The following IFTAP variants were observed in gnomAD, a reference collection of about 807,000 sequenced individuals.
The protein encoded by IFTAP is intraflagellar transport-associated protein.
IFTAP carries 19 observed loss-of-function variants against 19.4 expected under a neutral mutation model. That is an observed-to-expected ratio of 0.98 (90% CI 0.68 to 1.44). The LOEUF (loss-of-function observed/expected upper bound fraction) is 1.44, where lower values mean the gene tolerates loss of function less well. IFTAP is among the 40% of genes most tolerant of loss of function. IFTAP has a pLI of 0.00. For missense variants in IFTAP, 240 were observed against 253.6 expected (o/e 0.95, Z 0.36); for synonymous variants, 85 against 83.5 (o/e 1.02, Z -0.10).
At position 36,604,771 on chromosome 11, in the gene IFTAP, A is replaced by G. The variant is rs542460478; in HGVS notation, c.-23-5310A>G. Among the ~76,000 whole-genome samples the G allele has an allele frequency of 3.2e-4, 48 of 152,244 alleles. No individual in the cohort carries two copies. In the South Asian group the frequency reaches 1.0e-2, roughly 32 times the overall value. The stretch of plus-strand genomic sequence containing the variant: ...CCCATTACTGCTCATCAATAGAGTC[A>G]TTAGTTGACAGAAACCCCACATGAA... On this transcript the variant is annotated intron_variant, in intron 1 of 5. Coordinates refer to ENST00000334307, the MANE Select transcript of IFTAP (RefSeq NM_138787.4).
chr11:36,628,486 C>T (rs1050965348), intron 2 of IFTAP, among the ~76,000 whole-genome samples: 1 of 151,218 alleles, frequency 6.6e-6, no homozygotes, highest in East Asian at 1.9e-4. Flanking sequence ...CATCTGCCAT[C>T]GGTGCCTTCT....
rs188133626 is a variant in IFTAP, at chr11:36,642,172, G to C, written c.359-5844G>C. On this transcript the variant is annotated intron_variant, in intron 4 of 5. Transcript: ENST00000334307. Reference sequence around the variant, plus strand: ...AGACGCAATAAAAAATGATAAAGGGGATATCACCACCGATCTCACAGAAAT... The same window carrying C: ...AGACGCAATAAAAAATGATAAAGGGCATATCACCACCGATCTCACAGAAAT... Among the ~76,000 whole-genome samples, 949 of 152,164 alleles carry C rather than the reference G, an allele frequency of 6.2e-3. 11 individuals carry two copies. Among genetic ancestry groups the C allele is most frequent in the African/African-American group, 0.022 (920 of 41,512 alleles).
chr11:36,596,222 G>GTTTTTTTTTTTTTTTTTTTTTTTTTT (rs67282079), intron 1 of IFTAP, among the ~76,000 whole-genome samples: 1 of 118,368 alleles, frequency 8.4e-6, no homozygotes, highest in African/African-American at 3.1e-5. Flanking sequence ...TTTTTTTTTT[G>GTTTTTTTTTTTTTTTTTTTTTTTTTT]TTTTTTTTTT....
At position 36,601,996 on chromosome 11, in the gene IFTAP, A is replaced by C. The variant is rs562561265; in HGVS notation, c.-24+7404A>C. 2.0e-4 allele frequency among the ~76,000 whole-genome samples: 30 copies of C among 152,290 alleles called. No individual in the cohort carries two copies. In the South Asian group the frequency reaches 6.2e-3, roughly 32 times the overall value. ...TGAGTATAGAAACCATATTGGCAAA[A>C]AGAAATTATATATATATGTGCATGT... On this transcript the variant is annotated intron_variant, in intron 1 of 5. Transcript: ENST00000334307.
intron 2 of IFTAP, among the ~76,000 whole-genome samples, chr11:36,612,401 G>A (rs1851908490): frequency 6.6e-6 from 1 of 151,984 alleles, no homozygotes; most frequent in African/African-American, 2.4e-5. Context: ...ATCAGTAAGT[G>A]TCCTTTTTTC....
At chr11:36,639,218 CCT>C (rs1554954827) in intron 4 of IFTAP, among the ~76,000 whole-genome samples, 1 of 150,520 alleles carries the variant, frequency 6.6e-6, no homozygotes, top group Non-Finnish European at 1.5e-5. Context: ...CCCAGCCCAA[CCT>C]CTTTTCTGGT....
At chr11:36,616,569 G>A (rs969039954) in intron 2 of IFTAP, among the ~76,000 whole-genome samples, 3 of 151,942 alleles carry the variant, frequency 2.0e-5, no homozygotes, top group Non-Finnish European at 2.9e-5. Flanking sequence ...AACTCTCGGA[G>A]TTTCAACACC....
intron 1 of IFTAP, among the ~76,000 whole-genome samples, chr11:36,596,761 A>G (rs1309711413): frequency 6.6e-6 from 1 of 152,078 alleles, no homozygotes; most frequent in Non-Finnish European, 1.5e-5. Context: ...ATCCAAAGGG[A>G]TTTTTCAAGA....
chr11:36,613,394 TTTAA>T (rs1851945153), intron 2 of IFTAP, among the ~76,000 whole-genome samples: 1 of 152,118 alleles, frequency 6.6e-6, no homozygotes, highest in Non-Finnish European at 1.5e-5. Flanking sequence ...TGATTTTTTA[TTTAA>T]TTAATTCATT....
intron 1 of IFTAP, among the ~76,000 whole-genome samples, chr11:36,601,387 A>G (rs182333466): frequency 1.3e-5 from 2 of 152,342 alleles, no homozygotes; most frequent in African/African-American, 4.8e-5. Context: ...TATTGTCAAG[A>G]GAAGAACATG....
chr11:36,633,281 C>A lies in IFTAP; in HGVS notation c.137-3C>A. On this transcript the variant is annotated splice_region_variant and splice_polypyrimidine_tract_variant and intron_variant, in intron 2 of 5. Coordinates refer to ENST00000334307, the MANE Select transcript of IFTAP (RefSeq NM_138787.4). ...TCTAATAGTGCATAACTTCTTATTT[C>A]AGAGGATCATGTGTCCAAAAGGGGA... is the stretch of plus-strand genomic sequence containing the variant. 1 of 1,528,224 alleles carries A rather than the reference C, an allele frequency of 6.5e-7. No individual in the cohort carries two copies. 94.7% of individuals were successfully genotyped at this position (1,528,224 alleles called of 1,614,324 possible).
chr11:36,648,286 T>A (rs1432532856), intron 5 of IFTAP, 131 bp downstream of exon 5: 2 of 1,099,784 alleles, frequency 1.8e-6, no homozygotes, highest in East Asian at 5.1e-5. Flanking sequence ...GCTTAATTGG[T>A]CCCTCTCACA....
chr11:36,597,120 T>A (rs932322862), intron 1 of IFTAP, among the ~76,000 whole-genome samples: 1 of 152,260 alleles, frequency 6.6e-6, no homozygotes, highest in African/African-American at 2.4e-5. Flanking sequence ...TTACTCACTT[T>A]AACCAGATGA....
chr11:36,636,770 A>AT (rs11385948), intron 4 of IFTAP, among the ~76,000 whole-genome samples: 23,455 of 152,072 alleles, frequency 0.15, 2,606 homozygotes, highest in African/African-American at 0.31. Flanking sequence ...CTTCTGAGGC[A>AT]TTTTCCACAT....
chr11:36,628,205 T>C (rs778563284), intron 2 of IFTAP, among the ~76,000 whole-genome samples: 7 of 151,032 alleles, frequency 4.6e-5, no homozygotes, highest in Non-Finnish European at 8.8e-5. Flanking sequence ...AGAGTTTTTG[T>C]CGGGCCCTCC....
intron 2 of IFTAP, among the ~76,000 whole-genome samples, chr11:36,624,006 T>TA (rs1852409788): frequency 7.8e-6 from 1 of 127,462 alleles, no homozygotes; most frequent in African/African-American, 3.4e-5. Context: ...TATATATATA[T>TA]TTTTTTCCTC....
At chr11:36,599,857 A>G (rs1183652819) in intron 1 of IFTAP, among the ~76,000 whole-genome samples, 2 of 152,258 alleles carry the variant, frequency 1.3e-5, no homozygotes, top group South Asian at 2.1e-4. Context: ...TACAGCAACC[A>G]TAAGGACAAC....
At chr11:36,610,301 GT>G in intron 2 of IFTAP, 62 bp downstream of exon 2, 1 of 1,434,954 alleles carries the variant, frequency 7.0e-7, no homozygotes, top group Non-Finnish European at 9.5e-7. Flanking sequence ...ATAAGTGTAT[GT>G]TTTTGCTGCC....
intron 2 of IFTAP, among the ~76,000 whole-genome samples, chr11:36,626,604 C>G (rs898077617): frequency 7.9e-5 from 12 of 151,248 alleles, no homozygotes; most frequent in Admixed American, 5.2e-4. Context: ...GATCCCTGCT[C>G]TCCTTAGGGA....
Sources: allele counts gnomAD v4.1 joint callset (sites outside exome capture counted in the v4.1 genomes callset), GRCh38; gene constraint gnomAD v4.1.1; transcripts MANE v1.5; gene names NCBI Gene and HGNC (gene_info 2026-07-23, HGNC 2026-07-21).